Variants in ADAMTSL1 observed in about 807,000 individuals in gnomAD.
ADAMTSL1 encodes the protein ADAMTS like 1.
ADAMTSL1 carries 126 observed loss-of-function variants against 201.8 expected under a neutral mutation model. The ratio of observed to expected loss-of-function variants is 0.62; its 90% CI spans 0.54 to 0.72. The LOEUF is 0.72. ADAMTSL1 is among the 30% of genes least tolerant of loss of function. The probability of loss-of-function intolerance (pLI) is 0.00; values close to 1 mark genes in which losing one functional copy is unlikely to be tolerated. For synonymous variants in ADAMTSL1, 1,121 were observed against 903.4 expected (o/e 1.24, Z -4.32); for missense variants, 2,679 against 2,277.8 (o/e 1.18, Z -3.59).
chr9:18,237,134 T>G (rs1830879852), intron 2 of ADAMTSL1, among the ~76,000 whole-genome samples: 2 of 152,356 alleles, frequency 1.3e-5, no homozygotes, highest in Non-Finnish European at 2.9e-5. Flanking sequence ...AATTCTTCTT[T>G]AATCTTAAAC....
chr9:18,717,634 A>G (rs116364610), intron 14 of ADAMTSL1, among the ~76,000 whole-genome samples: 261 of 152,334 alleles, frequency 1.7e-3, no homozygotes, highest in African/African-American at 6.2e-3. Flanking sequence ...TCTCCAATAC[A>G]AAGTATGAGT....
At chr9:18,618,203 G>C (rs973565848) in intron 4 of ADAMTSL1, among the ~76,000 whole-genome samples, 4 of 152,264 alleles carry the variant, frequency 2.6e-5, no homozygotes, top group Admixed American at 2.6e-4. Context: ...TGGTATGTCT[G>C]TTTCTTTGTG....
intron 1 of ADAMTSL1, among the ~76,000 whole-genome samples, chr9:18,102,465 A>G (rs1824572237): frequency 6.6e-6 from 1 of 152,232 alleles, no homozygotes; most frequent in Admixed American, 6.5e-5. Flanking sequence ...TCAAAAACGT[A>G]TTCAGCATGA....
chr9:18,660,033 T>C (rs754884632), intron 8 of ADAMTSL1, among the ~76,000 whole-genome samples: 2 of 152,134 alleles, frequency 1.3e-5, no homozygotes, highest in Non-Finnish European at 2.9e-5. Flanking sequence ...CATTACATAA[T>C]AGGGACATTG....
In ADAMTSL1 at chr9:18,342,369, A is replaced by G. The variant is rs976481012; in HGVS notation, c.208-162460A>G. On this transcript the variant is annotated intron_variant, in intron 2 of 29. Coordinates refer to the ADAMTSL1 transcript ENST00000680146. ...TGTTGGTTAGTAAGTTTCAGACACT[A>G]TTCTCAAGTATCATCTCAAGTGGTA... Among the ~76,000 whole-genome samples the G allele has an allele frequency of 1.2e-4, 18 of 152,244 alleles. 1 individual carries two copies. In the South Asian group the frequency reaches 2.1e-3, roughly 18 times the overall value.
chr9:18,061,596 T>C (rs1248848140), intron 1 of ADAMTSL1, among the ~76,000 whole-genome samples: 7 of 152,176 alleles, frequency 4.6e-5, no homozygotes, highest in African/African-American at 1.7e-4. Flanking sequence ...TGTGAAAAAG[T>C]CTTGTTTCCT....
At chr9:18,375,577 G>A (rs921955292) in intron 2 of ADAMTSL1, among the ~76,000 whole-genome samples, 10 of 152,164 alleles carry the variant, frequency 6.6e-5, no homozygotes, top group African/African-American at 1.9e-4. Context: ...TGTGTCTGGA[G>A]TTGGTTCCTT....
chr9:18,330,938 C>T (rs1382461348), intron 2 of ADAMTSL1, among the ~76,000 whole-genome samples: 1 of 152,134 alleles, frequency 6.6e-6, no homozygotes, highest in Admixed American at 6.6e-5. Context: ...GGATCTTGCT[C>T]AAAGAAGCTT....
At chr9:18,785,865 T>C (rs1821680352) in intron 19 of ADAMTSL1, among the ~76,000 whole-genome samples, 1 of 152,248 alleles carries the variant, frequency 6.6e-6, no homozygotes, top group Non-Finnish European at 1.5e-5. Context: ...AAATTGGCAC[T>C]GCACATTGGA....
At chr9:18,485,581 C>T (rs892767013) in intron 1 of ADAMTSL1, among the ~76,000 whole-genome samples, 6 of 152,178 alleles carry the variant, frequency 3.9e-5, no homozygotes, top group Non-Finnish European at 8.8e-5. Context: ...ATTTTTCTGT[C>T]TGATGTGTCC....
intron 1 of ADAMTSL1, among the ~76,000 whole-genome samples, chr9:18,038,210 G>A (rs576152797): frequency 5.3e-5 from 8 of 152,118 alleles, no homozygotes; most frequent in Non-Finnish European, 1.2e-4. Context: ...GCCCATGTGA[G>A]CCTCGGTTGT....
chr9:18,702,248 G>A (rs1216474873), intron 13 of ADAMTSL1, among the ~76,000 whole-genome samples: 1 of 152,158 alleles, frequency 6.6e-6, no homozygotes, highest in Non-Finnish European at 1.5e-5. Context: ...TAGGAGCACA[G>A]AACCAAACCA....
At chr9:18,137,838 G>A (rs1045789256) in intron 1 of ADAMTSL1, among the ~76,000 whole-genome samples, 1 of 152,148 alleles carries the variant, frequency 6.6e-6, no homozygotes, top group African/African-American at 2.4e-5. Context: ...TTGGTGCAGA[G>A]CAGTAACTTT....
chr9:18,842,602 T>C (rs1825795433), intron 23 of ADAMTSL1, among the ~76,000 whole-genome samples: 1 of 152,200 alleles, frequency 6.6e-6, no homozygotes. Flanking sequence ...TTATTAACTT[T>C]CTGTCTTGTT....
chr9:18,049,091 C>T (rs185710684), intron 1 of ADAMTSL1, among the ~76,000 whole-genome samples: 51 of 152,192 alleles, frequency 3.4e-4, no homozygotes, highest in Admixed American at 1.2e-3. Context: ...TCTGCTCTCC[C>T]TCCCCTTTCT....
At chr9:18,401,309 C>T (rs1370261708) in intron 2 of ADAMTSL1, among the ~76,000 whole-genome samples, 3 of 152,072 alleles carry the variant, frequency 2.0e-5, no homozygotes, top group Admixed American at 1.3e-4. Flanking sequence ...CACATTATAC[C>T]TCTTCTCTAT....
intron 1 of ADAMTSL1, among the ~76,000 whole-genome samples, chr9:18,018,405 C>G (rs762635235): frequency 8.6e-5 from 13 of 152,018 alleles, no homozygotes; most frequent in Non-Finnish European, 1.6e-4. Context: ...TGAAATGTAG[C>G]CTTTATTTAT....
At chr9:18,229,455 G>A (rs1830560622) in intron 2 of ADAMTSL1, among the ~76,000 whole-genome samples, 1 of 151,986 alleles carries the variant, frequency 6.6e-6, no homozygotes, top group African/African-American at 2.4e-5. Flanking sequence ...GGAAATAAAT[G>A]TAGATGGAGA....
At chr9:18,004,698 T>C (rs1306108883) in intron 1 of ADAMTSL1, among the ~76,000 whole-genome samples, 1 of 152,018 alleles carries the variant, frequency 6.6e-6, no homozygotes, top group Non-Finnish European at 1.5e-5. Context: ...GGCTTTAGAG[T>C]GCTACCTTTG....
Sources: allele counts gnomAD v4.1 joint callset (sites outside exome capture counted in the v4.1 genomes callset), GRCh38; gene constraint gnomAD v4.1.1; transcripts MANE v1.5; gene names NCBI Gene and HGNC (gene_info 2026-07-23, HGNC 2026-07-21).